Variants in CWF19L2 observed in about 807,000 individuals in gnomAD.
CWF19L2 encodes CWF19 like cell cycle control factor 2, also known as CWF19-like protein 2.
CWF19L2 carries 98 observed loss-of-function variants against 111.7 expected under a neutral mutation model. The ratio of observed to expected loss-of-function variants is 0.88; its 90% CI spans 0.75 to 1.04. The LOEUF is 1.04. Among genes scored for constraint, CWF19L2 ranks in the 50% least tolerant of loss-of-function variants. The pLI is 0.00. For synonymous variants in CWF19L2, 351 were observed against 342.9 expected (o/e 1.02, Z -0.26); for missense variants, 1,101 against 1,051.4 (o/e 1.05, Z -0.65).
rs866569032 is a variant in CWF19L2 at position 107,374,069 on chromosome 11, A to C, written c.1872+16005T>G. On this transcript the variant is annotated intron_variant, in intron 12 of 17. Transcript: ENST00000282251. Reference sequence around the variant, plus strand: ...ATGAAACGAGAAGGGAAGTTTAGAGAAAAAAGAATAAAAAGAAATGAGCAA... The same window carrying C: ...ATGAAACGAGAAGGGAAGTTTAGAGCAAAAAGAATAAAAAGAAATGAGCAA... Among the ~76,000 whole-genome samples the C allele has an allele frequency of 2.8e-4, 38 of 136,898 alleles. 9 individuals carry two copies. The highest frequency in any genetic ancestry group is 1.1e-3 in the African/African-American group (36 of 33,876). The allele number at this position is 136,898 out of a possible 152,430, so 89.8% of individuals were successfully genotyped here. A position where few individuals can be genotyped will look rare whatever the true frequency, so the allele number is the denominator to read the frequency against.
chr11:107,371,913 T>A (rs1009492289), intron 12 of CWF19L2, among the ~76,000 whole-genome samples: 1 of 137,742 alleles, frequency 7.3e-6, no homozygotes, highest in Non-Finnish European at 1.6e-5. Context: ...AAGACATCAT[T>A]TTATTCATCA....
At chr11:107,446,478 C>T (rs1042375963) in intron 3 of CWF19L2, among the ~76,000 whole-genome samples, 19 of 152,162 alleles carry the variant, frequency 1.2e-4, no homozygotes, top group South Asian at 2.1e-4. Flanking sequence ...CAAATGAAAT[C>T]CCTCTTAATA....
intron 10 of CWF19L2, among the ~76,000 whole-genome samples, chr11:107,394,759 C>A (rs1860897987): frequency 6.6e-6 from 1 of 152,138 alleles, no homozygotes. Flanking sequence ...TCCAGCTACC[C>A]CTCAAATGCT....
chr11:107,418,705 T>C (rs549185160), intron 8 of CWF19L2, among the ~76,000 whole-genome samples: 2 of 152,322 alleles, frequency 1.3e-5, no homozygotes, highest in South Asian at 4.1e-4. Context: ...TATATCTAAC[T>C]GCATTCAAAG....
chr11:107,368,006 A>C (rs2432865), intron 12 of CWF19L2, among the ~76,000 whole-genome samples: 54,407 of 134,788 alleles, frequency 0.4, 17,279 homozygotes, highest in African/African-American at 0.58. Flanking sequence ...AAGTAGAAAA[A>C]TAACAAATGA....
intron 17 of CWF19L2, among the ~76,000 whole-genome samples, chr11:107,327,567 C>G (rs1859779464): frequency 1.3e-5 from 2 of 151,986 alleles, no homozygotes; most frequent in Admixed American, 6.6e-5. Context: ...TTAAGTAAAC[C>G]TATTGATAGA....
At chr11:107,379,445 T>C (rs1860648331) in intron 12 of CWF19L2, among the ~76,000 whole-genome samples, 1 of 152,230 alleles carries the variant, frequency 6.6e-6, no homozygotes. Context: ...AAAATATCAA[T>C]AGCGCTAAGG....
intron 12 of CWF19L2, among the ~76,000 whole-genome samples, chr11:107,361,991 G>A (rs1252432134): frequency 1.3e-5 from 2 of 152,206 alleles, no homozygotes; most frequent in Admixed American, 6.5e-5. Flanking sequence ...CCGAAGCAGG[G>A]CGAGGCATTG....
chr11:107,394,447 AATT>A (rs1860893299), intron 10 of CWF19L2, among the ~76,000 whole-genome samples: 1 of 152,066 alleles, frequency 6.6e-6, no homozygotes, highest in Non-Finnish European at 1.5e-5. Flanking sequence ...TCCAATACAT[AATT>A]ATTAAATTGT....
intron 16 of CWF19L2, among the ~76,000 whole-genome samples, chr11:107,331,925 CA>C (rs1859855232): frequency 6.6e-6 from 1 of 152,192 alleles, no homozygotes; most frequent in Non-Finnish European, 1.5e-5. Context: ...AGTGTATGTA[CA>C]TTTAGCACTT....
intron 12 of CWF19L2, among the ~76,000 whole-genome samples, chr11:107,384,433 TTG>T (rs1860736014): frequency 6.6e-6 from 1 of 152,312 alleles, no homozygotes; most frequent in South Asian, 2.1e-4. Context: ...GCAACAAAGT[TTG>T]TGTATTCTGA....
intron 12 of CWF19L2, among the ~76,000 whole-genome samples, chr11:107,362,378 A>G (rs11518304): frequency 0.27 from 41,366 of 151,372 alleles, 5,868 homozygotes; most frequent in Non-Finnish European, 0.32. Context: ...GCAGGGCACA[A>G]ACAAACAAAA....
At chr11:107,361,076 G>A (rs1022313615) in intron 12 of CWF19L2, among the ~76,000 whole-genome samples, 3 of 152,102 alleles carry the variant, frequency 2.0e-5, no homozygotes, top group Non-Finnish European at 4.4e-5. Context: ...GAGTTTTTAT[G>A]GTTTCAAGTT....
At chr11:107,439,047 A>AAG (rs760940491) in intron 6 of CWF19L2, 43 bp downstream of exon 6, 1 of 938,008 alleles carries the variant, frequency 1.1e-6, no homozygotes, top group Admixed American at 2.6e-5. Context: ...AAAAAAAAAA[A>AAG]AAAAAAAAAC....
rs543961287 is a variant in CWF19L2, at chr11:107,455,781, A to G, written c.106-5T>C. ...TTTTTCAAAATTGGCTTTAGCCTAC[A>G]ACCAAAGAAAAAAAAAAGACAAACT... is the stretch of plus-strand genomic sequence containing the variant. On this transcript the variant is annotated splice_polypyrimidine_tract_variant and splice_region_variant and intron_variant, in intron 1 of 17. Coordinates refer to ENST00000282251, the MANE Select transcript of CWF19L2 (RefSeq NM_152434.3). 14 of 1,527,012 alleles carry G rather than the reference A, an allele frequency of 9.2e-6. No homozygotes were observed. The South Asian group carries it at 1.5e-4, about 16-fold the overall frequency. The allele number at this position is 1,527,012 out of a possible 1,614,324, so 94.6% of individuals were successfully genotyped here.
At chr11:107,439,998 T>C (rs1172656081) in intron 5 of CWF19L2, among the ~76,000 whole-genome samples, 1 of 152,132 alleles carries the variant, frequency 6.6e-6, no homozygotes, top group Non-Finnish European at 1.5e-5. Flanking sequence ...AGTAGCCTAA[T>C]CACAATGCAA....
chr11:107,457,366 T>C lies in CWF19L2; in HGVS notation c.105+346A>G, dbSNP rs781494526. Among the ~76,000 whole-genome samples the C allele has an allele frequency of 4.6e-5, 7 of 152,304 alleles. 1 individual carries two copies. In the South Asian group the frequency reaches 1.5e-3, roughly 32 times the overall value. On this transcript the variant is annotated intron_variant, in intron 1 of 17. Transcript: ENST00000282251. ...TTTCAGATACAGCAGTAGCAATGAC[T>C]GAGGCTGCGAGACATGCTGGCAGAG...
At chr11:107,420,666 TC>T (rs1458091426) in intron 8 of CWF19L2, among the ~76,000 whole-genome samples, 1 of 152,126 alleles carries the variant, frequency 6.6e-6, no homozygotes, top group Non-Finnish European at 1.5e-5. Context: ...GTATTTTTTT[TC>T]CTATATATAC....
chr11:107,389,930 T>A (rs939154143), intron 12 of CWF19L2, 144 bp downstream of exon 12: 1 of 661,700 alleles, frequency 1.5e-6, no homozygotes, highest in Non-Finnish European at 2.4e-6. Context: ...CCAAAATGCA[T>A]GTTTCTAATA....
Sources: allele counts gnomAD v4.1 joint callset (sites outside exome capture counted in the v4.1 genomes callset), GRCh38; gene constraint gnomAD v4.1.1; transcripts MANE v1.5; gene names NCBI Gene and HGNC (gene_info 2026-07-23, HGNC 2026-07-21).